ZC3H7B: variants seen among roughly 807,000 people sequenced by gnomAD.
The protein encoded by ZC3H7B is zinc finger CCCH-type containing 7B.
ZC3H7B carries 35 observed loss-of-function variants against 116.0 expected under a neutral mutation model. The observed-to-expected ratio is 0.30, with a 90% CI of 0.23 to 0.40. ZC3H7B has a LOEUF of 0.40. Ranked by LOEUF, ZC3H7B falls within the 10% of genes least tolerant of loss-of-function variation. ZC3H7B has a pLI of 1.00. For synonymous variants in ZC3H7B, 502 were observed against 545.6 expected (o/e 0.92, Z 1.11); for missense variants, 1,011 against 1,321.5 (o/e 0.77, Z 3.64).
rs1348311809 is a variant in ZC3H7B, at chr22:41,355,669, C to T, written c.2168+67C>T. On this transcript the variant is annotated intron_variant, in intron 18 of 22. Coordinates refer to ENST00000352645, the MANE Select transcript of ZC3H7B (RefSeq NM_017590.6). ...ACCCTACCACCACAGGTGTGGAGGC[C>T]AACTGAGAGAGGCCAGGGCTCTCCA... The T allele has an allele frequency of 1.4e-5, 22 of 1,611,508 alleles. 1 individual carries two copies. In the South Asian group the frequency reaches 1.8e-4, roughly 13 times the overall value.
intron 14 of ZC3H7B, among the ~76,000 whole-genome samples, chr22:41,347,362 G>A (rs995025149): frequency 2.0e-5 from 3 of 152,202 alleles, no homozygotes; most frequent in Non-Finnish European, 4.4e-5. Flanking sequence ...TGGCCATTGC[G>A]CTTCCCTGCC....
chr22:41,318,696 C>T (rs1010287781), intron 1 of ZC3H7B, among the ~76,000 whole-genome samples: 1 of 152,082 alleles, frequency 6.6e-6, no homozygotes, highest in African/African-American at 2.4e-5. Context: ...CTGCAGTGAT[C>T]ATGCCATTCT....
intron 13 of ZC3H7B, 37 bp from the exon 14 acceptor site, chr22:41,345,966 C>G (rs201350442): frequency 6.2e-7 from 1 of 1,610,908 alleles, no homozygotes; most frequent in Admixed American, 1.7e-5. Flanking sequence ...CTGCTATCCC[C>G]GCCTGGCGGA....
At chr22:41,319,372 G>C (rs1651405219) in intron 1 of ZC3H7B, among the ~76,000 whole-genome samples, 1 of 152,040 alleles carries the variant, frequency 6.6e-6, no homozygotes, top group Admixed American at 6.6e-5. Flanking sequence ...CTGCACTCCA[G>C]CCTGGGCGAC....
At chr22:41,316,799 T>G (rs1348222865) in intron 1 of ZC3H7B, among the ~76,000 whole-genome samples, 2 of 151,774 alleles carry the variant, frequency 1.3e-5, no homozygotes, top group African/African-American at 4.8e-5. Flanking sequence ...CTTAGCCTCC[T>G]GAGTAGCTAG....
chr22:41,309,925 G>A (rs1273139240), intron 1 of ZC3H7B, among the ~76,000 whole-genome samples: 1 of 152,126 alleles, frequency 6.6e-6, no homozygotes, highest in Non-Finnish European at 1.5e-5. Flanking sequence ...AACATTGATG[G>A]CTGAGCACGG....
chr22:41,356,900 G>A, intron 22 of ZC3H7B, 92 bp downstream of exon 22: 1 of 1,567,168 alleles, frequency 6.4e-7, no homozygotes, highest in South Asian at 1.2e-5. Flanking sequence ...GCCTGGAGGT[G>A]GTGTGCAGGG....
chr22:41,341,976 C>T (rs980049724), intron 11 of ZC3H7B, among the ~76,000 whole-genome samples: 6 of 151,646 alleles, frequency 4.0e-5, no homozygotes, highest in Non-Finnish European at 7.4e-5. Context: ...GCAGGAGAAT[C>T]GCTTGAACCT....
intron 1 of ZC3H7B, among the ~76,000 whole-genome samples, chr22:41,312,014 T>C (rs1443343709): frequency 6.6e-6 from 1 of 152,136 alleles, no homozygotes; most frequent in Non-Finnish European, 1.5e-5. Flanking sequence ...AGGTTGCTTC[T>C]AGTTTTCCAC....
rs960530022 is a variant in ZC3H7B, at chr22:41,358,083, CTG to C, written c.*656_*657del. 3.3e-5 allele frequency: 5 copies of C among 153,556 alleles called. No homozygotes were observed. Among genetic ancestry groups the C allele is most frequent in the African/African-American group, 1.2e-4 (5 of 41,430 alleles). 9.5% of individuals were successfully genotyped at this position (153,556 alleles called of 1,614,324 possible). A position where few individuals can be genotyped will look rare whatever the true frequency, so the allele number is the denominator to read the frequency against. ...TCCCTCGTGGGCCAGTGAAAATAGA[CTG>C]TAGGTCCTCAGAGCCTTCAGAGATG... On this transcript the variant is annotated 3_prime_UTR_variant, in exon 23 of 23. Transcript: ENST00000352645.
At chr22:41,314,147 TTTTA>T (rs926416703) in intron 1 of ZC3H7B, among the ~76,000 whole-genome samples, 1 of 151,570 alleles carries the variant, frequency 6.6e-6, no homozygotes, top group Admixed American at 6.6e-5. Context: ...TTAATTTTTA[TTTTA>T]TTTATTTATT....
intron 2 of ZC3H7B, among the ~76,000 whole-genome samples, chr22:41,321,826 A>ATTT (rs1601771237): frequency 5.2e-5 from 4 of 76,862 alleles, no homozygotes; most frequent in African/African-American, 1.8e-4. Flanking sequence ...CAAAACTCAC[A>ATTT]TTCTTTTTTT....
At chr22:41,342,434 G>A (rs534366276) in intron 11 of ZC3H7B, 95 bp from the exon 12 acceptor site, 2 of 1,166,978 alleles carry the variant, frequency 1.7e-6, no homozygotes, top group Non-Finnish European at 2.5e-6. Context: ...GGATAGGGGG[G>A]TCATAGAGCA....
Position 41,338,374 on chromosome 22 carries a change from G to A in ZC3H7B, c.625+19G>A. The A allele has an allele frequency of 6.2e-7, 1 of 1,612,590 alleles. No individual in the cohort carries two copies. The highest frequency in any genetic ancestry group is 8.5e-7 in the Non-Finnish European group (1 of 1,179,376). ...GAAACAGGTAATGTCCCCGATACGA[G>A]GGAACAAGTGGAAATTGGGGCCCCG... On this transcript the variant is annotated intron_variant, in intron 8 of 22. Transcript: ENST00000352645. This position sits in a 1 kb window ranked among gnomAD's most constrained non-coding sequence, Gnocchi z 4.5.
intron 1 of ZC3H7B, among the ~76,000 whole-genome samples, chr22:41,319,414 G>A (rs1018598476): frequency 6.7e-6 from 1 of 149,366 alleles, no homozygotes; most frequent in African/African-American, 2.5e-5. Flanking sequence ...AAAAAACAAA[G>A]CAAAAAGTAG....
intron 22 of ZC3H7B, 111 bp downstream of exon 22, chr22:41,356,919 G>C (rs2036728435): frequency 6.6e-7 from 1 of 1,520,352 alleles, no homozygotes; most frequent in Non-Finnish European, 8.9e-7. Context: ...GGAGTGGTGA[G>C]GCTTGGCTGT....
intron 1 of ZC3H7B, among the ~76,000 whole-genome samples, chr22:41,308,967 G>A (rs2036082227): frequency 6.9e-6 from 1 of 145,418 alleles, no homozygotes; most frequent in South Asian, 2.2e-4. Context: ...TCTCTTAAAT[G>A]TCAGCTTCCT....
intron 1 of ZC3H7B, among the ~76,000 whole-genome samples, chr22:41,313,895 C>T (rs2036148753): frequency 1.3e-5 from 2 of 151,540 alleles, no homozygotes; most frequent in Non-Finnish European, 2.9e-5. Flanking sequence ...TACAGGCACC[C>T]GCCATCATGC....
rs2036165526 is a variant in ZC3H7B, at chr22:41,315,149, G to A, written c.-6-5506G>A. 2.6e-5 allele frequency among the ~76,000 whole-genome samples: 4 copies of A among 151,700 alleles called. No homozygotes were observed. The South Asian group carries it at 6.3e-4, about 24-fold the overall frequency. On this transcript the variant is annotated intron_variant, in intron 1 of 22. Coordinates refer to ENST00000352645, the MANE Select transcript of ZC3H7B (RefSeq NM_017590.6). Reference sequence around the variant, plus strand: ...CCCAGGCTGGCCCAGACAGCAGGGAGGCAAGTGAGAGGTGGGCTGGTGAGC... The same window carrying A: ...CCCAGGCTGGCCCAGACAGCAGGGAAGCAAGTGAGAGGTGGGCTGGTGAGC...
Sources: gnomAD v4.1 joint callset for allele counts (sites outside exome capture counted in the v4.1 genomes callset) on GRCh38, gnomAD v4.1.1 for gene constraint, Gnocchi (gnomAD v3.1) non-coding constraint, MANE v1.5 for transcripts, NCBI Gene and HGNC (gene_info 2026-07-23, HGNC 2026-07-21) for gene names.